The following CENPS variants were observed in gnomAD, a reference collection of about 807,000 sequenced individuals.
CENPS encodes the protein FANCM associated histone fold protein 1.
Under a neutral mutation model 17.9 loss-of-function variants are expected in CENPS, and 16 were observed. That is an observed-to-expected ratio of 0.90 (90% CI 0.61 to 1.36). The LOEUF (loss-of-function observed/expected upper bound fraction) is 1.36. Ranked by LOEUF, CENPS falls within the 40% of genes most tolerant of loss-of-function variation. The pLI, the probability that CENPS is intolerant of heterozygous loss-of-function variation, is 0.00. For missense variants in CENPS, 160 were observed against 158.6 expected (o/e 1.01, Z -0.05); for synonymous variants, 49 against 55.8 (o/e 0.88, Z 0.54).
In CENPS at chr1:10,436,372, A is replaced by G. The variant is rs147772238; in HGVS notation, c.209+1682A>G. 7.3e-5 allele frequency among the ~76,000 whole-genome samples: 11 copies of G among 151,660 alleles called. No individual in the cohort carries two copies. In the East Asian group the frequency reaches 2.2e-3, roughly 30 times the overall value. On this transcript the variant is annotated intron_variant, in intron 3 of 4. Transcript: ENST00000309048. ...TGTATGTGTGTGTGACTTAGACCAT[A>G]AGCTCCACAAGGAAGGGCGACATCT...
rs905086890 is a variant in CENPS at position 10,430,455 on chromosome 1, C to T, written c.-63C>T. 30 of 1,523,456 alleles carry T rather than the reference C, an allele frequency of 2.0e-5. No homozygotes were observed. In the African/African-American group the frequency reaches 3.0e-4, roughly 15 times the overall value. The allele number at this position is 1,523,456 out of a possible 1,614,324, so 94.4% of individuals were successfully genotyped here. On this transcript the variant is annotated 5_prime_UTR_variant, in exon 1 of 5. Coordinates refer to ENST00000309048, the MANE Select transcript of CENPS (RefSeq NM_199294.3). Reference sequence around the variant, plus strand: ...CTCGCGCCGCGGCGGGAAAATCCGACCTGGCCGCGCACCACCGCCCCTTCT... The same window carrying T: ...CTCGCGCCGCGGCGGGAAAATCCGATCTGGCCGCGCACCACCGCCCCTTCT...
At chr1:10,434,073 A>G in intron 2 of CENPS, 108 bp downstream of exon 2, 1 of 1,549,188 alleles carries the variant, frequency 6.5e-7, no homozygotes, top group African/African-American at 1.4e-5. Flanking sequence ...GCAGACCAAG[A>G]ATATTATCAT....
Position 10,434,644 on chromosome 1 carries a change from T to C in CENPS, c.176-13T>C, listed in dbSNP as rs577844311. The C allele has an allele frequency of 1.2e-4, 191 of 1,603,362 alleles. No homozygotes were observed. The highest frequency in any genetic ancestry group is 1.6e-4 in the Non-Finnish European group (187 of 1,177,478). On this transcript the variant is annotated splice_polypyrimidine_tract_variant and intron_variant, in intron 2 of 4. Transcript: ENST00000309048. ...AGGGTGCCTAAAGTGTGTATCTTTT[T>C]TTTCTCTTTCAGAAAATTTTGCCAA...
chr1:10,435,792 G>T (rs939140789), intron 3 of CENPS, among the ~76,000 whole-genome samples: 7 of 151,458 alleles, frequency 4.6e-5, no homozygotes, highest in Non-Finnish European at 8.8e-5. Flanking sequence ...GCCCAGGCTG[G>T]TCTTGAACTC....
In CENPS at chr1:10,433,919, C is replaced by T. The variant is rs528866248; in HGVS notation, c.129C>T (p.Ser43=). 18 of 1,614,204 alleles carry T rather than the reference C, an allele frequency of 1.1e-5. No individual in the cohort carries two copies. The highest frequency in any genetic ancestry group is 6.6e-5 in the South Asian group (6 of 91,084). Residue 43 remains serine (S), a synonymous_variant, in exon 2 of 5, where the codon AGC becomes AGT. Transcript: ENST00000309048. ...EVALDKEMQF[S]KQTIAAISEL... is the part of the protein sequence containing the mutation. Reference sequence around the variant, plus strand: ...CATTGGACAAAGAGATGCAGTTCAGCAAACAGACCATTGCGGCCATTTCGG... The same window carrying T: ...CATTGGACAAAGAGATGCAGTTCAGTAAACAGACCATTGCGGCCATTTCGG...
At chr1:10,433,727 G>A in intron 1 of CENPS, 115 bp from the exon 2 acceptor site, 3 of 1,515,850 alleles carry the variant, frequency 2.0e-6, no homozygotes, top group Non-Finnish European at 2.7e-6. Flanking sequence ...AGCCATTATG[G>A]AAAGCGCCAG....
At position 10,433,283 on chromosome 1, in the gene CENPS, C is replaced by T. The variant is rs180696680; in HGVS notation, c.52-559C>T. Among the ~76,000 whole-genome samples the T allele has an allele frequency of 1.7e-3, 261 of 152,248 alleles. 1 individual carries two copies. The highest frequency in any genetic ancestry group is 1.2e-3 in the Non-Finnish European group (80 of 68,016). On this transcript the variant is annotated intron_variant, in intron 1 of 4. Coordinates refer to ENST00000309048, the MANE Select transcript of CENPS (RefSeq NM_199294.3). ...GTTTGCCAAGGAGCAGTGAGGGCCC[C>T]GTGGAGGTGGCCTCCCAACCCTCCA... is the stretch of plus-strand genomic sequence containing the variant.
At chr1:10,439,462 T>C (rs1210488048) in intron 3 of CENPS, among the ~76,000 whole-genome samples, 1 of 152,184 alleles carries the variant, frequency 6.6e-6, no homozygotes, top group Non-Finnish European at 1.5e-5. Context: ...AGGGTGTTCT[T>C]TGTGGCTGGG....
In CENPS at chr1:10,440,407, T is replaced by C. The variant is rs771626997; in HGVS notation, c.270T>C (p.Asn90=). Residue 90 remains asparagine (N), a synonymous_variant, in exon 4 of 5, where the codon AAT becomes AAC. Transcript: ENST00000309048. ...TGAAGCTCTTAGCCAGGAGGAGTAA[T>C]TCACTGGTGAGAGATGAATTTCTTT... is the stretch of plus-strand genomic sequence containing the variant. The part of the protein sequence containing the change: ...EDVKLLARRS[N]SLLKYITDKS... 4.3e-6 allele frequency: 7 copies of C among 1,613,984 alleles called. No individual in the cohort carries two copies. The Admixed American group carries it at 1.2e-4, about 27-fold the overall frequency.
At chr1:10,441,620 CTTTTTTTTT>C (rs34369229) in intron 4 of CENPS, among the ~76,000 whole-genome samples, 3 of 48,330 alleles carry the variant, frequency 6.2e-5, no homozygotes, top group African/African-American at 8.7e-5. Flanking sequence ...GGCTACAACT[CTTTTTTTTT>C]TTTTTTTTTT....
At chr1:10,436,543 AC>A (rs1233995441) in intron 3 of CENPS, among the ~76,000 whole-genome samples, 2 of 93,638 alleles carry the variant, frequency 2.1e-5, no homozygotes, top group African/African-American at 1.2e-4. Flanking sequence ...CTCCTAAAAT[AC>A]AAAAAAAAAA....
chr1:10,430,787 C>T lies in CENPS; in HGVS notation c.51+219C>T, dbSNP rs538742504. The T allele has an allele frequency of 2.8e-5, 38 of 1,376,124 alleles. 1 individual carries two copies. The Admixed American group carries it at 4.0e-4, about 15-fold the overall frequency. The allele number at this position is 1,376,124 out of a possible 1,614,324, so 85.2% of individuals were successfully genotyped here. A position where few individuals can be genotyped will look rare whatever the true frequency, so the allele number is the denominator to read the frequency against. ...TGGCCTGCGCTGGCTGGGGAGGAAG[C>T]GGTTCTAGGGGAGCGTGCGGGCGCC... is the stretch of plus-strand genomic sequence containing the variant. On this transcript the variant is annotated intron_variant, in intron 1 of 4. Coordinates refer to ENST00000309048, the MANE Select transcript of CENPS (RefSeq NM_199294.3).
chr1:10,433,910 GCAGTT>G lies in CENPS; in HGVS notation c.124_128del (p.Phe42GlnfsTer16). The G allele has an allele frequency of 6.2e-7, 1 of 1,614,220 alleles. No individual in the cohort carries two copies. Among genetic ancestry groups the G allele is most frequent in the Non-Finnish European group, 8.5e-7 (1 of 1,180,038 alleles). On this transcript the variant is annotated frameshift_variant, in exon 2 of 5. Coordinates refer to ENST00000309048, the MANE Select transcript of CENPS (RefSeq NM_199294.3). LOFTEE classifies it high-confidence loss of function. ...AGGAAGTTGCATTGGACAAAGAGAT[GCAGTT>G]CAGCAAACAGACCATTGCGGCCATT...
In CENPS at chr1:10,440,111, C is replaced by T; in HGVS notation, c.210-236C>T. The T allele has an allele frequency of 5.5e-6, 3 of 549,906 alleles. No individual in the cohort carries two copies. In the South Asian group the frequency reaches 7.2e-5, roughly 13 times the overall value. 34.1% of individuals were successfully genotyped at this position (549,906 alleles called of 1,614,324 possible). A position where few individuals can be genotyped will look rare whatever the true frequency, so the allele number is the denominator to read the frequency against. On this transcript the variant is annotated intron_variant, in intron 3 of 4. Coordinates refer to ENST00000309048, the MANE Select transcript of CENPS (RefSeq NM_199294.3). ...TCTGTGCTCTTATGCTTCGGGTACC[C>T]TTGGCCCTAAGCGGAGGTGGAGAGA...
At position 10,442,274 on chromosome 1, in the gene CENPS, A is replaced by G. The variant is rs776471507; in HGVS notation, c.286A>G (p.Ile96Val). Residue 96 changes from isoleucine to valine, a missense_variant, in exon 5 of 5, where the codon ATC (isoleucine) becomes GTC (valine). Coordinates refer to ENST00000309048, the MANE Select transcript of CENPS (RefSeq NM_199294.3). ...GATTTTTTTTTTATAGCTAAAATAC[A>G]TCACAGACAAAAGTGAAGAGATTGC... ...ARRSNSLLKY[I>V]TDKSEEIAQI... 1.3e-6 allele frequency: 2 copies of G among 1,590,104 alleles called. No homozygotes were observed. Among genetic ancestry groups the G allele is most frequent in the Non-Finnish European group, 1.7e-6 (2 of 1,174,078 alleles).
intron 1 of CENPS, chr1:10,431,380 T>A: frequency 6.5e-7 from 1 of 1,535,230 alleles, no homozygotes; most frequent in Non-Finnish European, 8.7e-7. Flanking sequence ...GTTCAAACCT[T>A]CAGAAAAGTT....
At chr1:10,438,169 G>A (rs776720316) in intron 3 of CENPS, among the ~76,000 whole-genome samples, 6 of 151,472 alleles carry the variant, frequency 4.0e-5, no homozygotes, top group Non-Finnish European at 8.8e-5. Flanking sequence ...TTTTGAGACG[G>A]AGTCTCACTC....
chr1:10,431,440 C>A (rs964601694), intron 1 of CENPS: 2 of 1,532,638 alleles, frequency 1.3e-6, no homozygotes, highest in Non-Finnish European at 1.7e-6. Context: ...TGATTCACCA[C>A]TAGTTAGCAT....
chr1:10,441,656 C>G (rs1404004887), intron 4 of CENPS, among the ~76,000 whole-genome samples: 1 of 108,752 alleles, frequency 9.2e-6, no homozygotes, highest in Non-Finnish European at 1.8e-5. Context: ...GATGGAGTCT[C>G]TCTCTGTGGC....
Sources: gnomAD v4.1 joint callset for allele counts (sites outside exome capture counted in the v4.1 genomes callset) on GRCh38, gnomAD v4.1.1 for gene constraint, MANE v1.5 for transcripts, NCBI Gene and HGNC (gene_info 2026-07-23, HGNC 2026-07-21) for gene names.